The following RNF38 variants were observed in gnomAD, a reference collection of about 807,000 sequenced individuals.
RNF38 encodes ring finger protein 38, also known as E3 ubiquitin-protein ligase RNF38.
Under a neutral mutation model 67.2 loss-of-function variants are expected in RNF38, and 15 were observed. The observed-to-expected ratio is 0.22, with a 90% CI of 0.15 to 0.34. The LOEUF is 0.34. RNF38 is among the 10% of genes least tolerant of loss of function. RNF38 has a pLI of 1.00. For missense variants in RNF38, 524 were observed against 639.9 expected (o/e 0.82, Z 1.95); for synonymous variants, 220 against 218.8 (o/e 1.01, Z -0.05).
At chr9:36,472,906 T>C (rs1330025552) in intron 1 of RNF38, among the ~76,000 whole-genome samples, 1 of 75,600 alleles carries the variant, frequency 1.3e-5, no homozygotes, top group Admixed American at 1.2e-4. Context: ...AGGAGGTGGG[T>C]GGATCACCTG....
At chr9:36,419,338 T>C (rs897642641) in intron 2 of RNF38, among the ~76,000 whole-genome samples, 1 of 152,206 alleles carries the variant, frequency 6.6e-6, no homozygotes, top group African/African-American at 2.4e-5. Flanking sequence ...GGGTGCTTTT[T>C]TCCAAGACAA....
intron 1 of RNF38, among the ~76,000 whole-genome samples, chr9:36,427,693 AT>A (rs1197556320): frequency 8.8e-5 from 13 of 148,156 alleles, no homozygotes; most frequent in South Asian, 2.1e-4. Context: ...CTATCTATCT[AT>A]CTATCTATCT....
At chr9:36,344,764 C>T in intron 10 of RNF38, 68 bp downstream of exon 10, 1 of 1,506,924 alleles carries the variant, frequency 6.6e-7, no homozygotes, top group Non-Finnish European at 9.1e-7. Flanking sequence ...ACCTTAATGA[C>T]TCTTAAGCTT....
intron 3 of RNF38, among the ~76,000 whole-genome samples, chr9:36,374,306 C>A (rs928699907): frequency 6.6e-6 from 1 of 152,340 alleles, no homozygotes; most frequent in Non-Finnish European, 1.5e-5. Context: ...GCTGCCATAA[C>A]AAAACATTGC....
intron 1 of RNF38, among the ~76,000 whole-genome samples, chr9:36,472,500 T>C (rs973538111): frequency 1.6e-4 from 24 of 152,184 alleles, no homozygotes; most frequent in Admixed American, 1.0e-3. Flanking sequence ...AGACAAAAGA[T>C]TGGACATCCC....
chr9:36,440,100 G>T (rs1371075947), intron 1 of RNF38, among the ~76,000 whole-genome samples: 1 of 152,100 alleles, frequency 6.6e-6, no homozygotes, highest in African/African-American at 2.4e-5. Context: ...ACAAAAATCA[G>T]CCAGGTGTGG....
intron 4 of RNF38, among the ~76,000 whole-genome samples, chr9:36,362,334 G>A (rs1461298669): frequency 6.6e-6 from 1 of 151,892 alleles, no homozygotes; most frequent in African/African-American, 2.4e-5. Flanking sequence ...CTCCAGCCTA[G>A]GCAACAAGAG....
chr9:36,350,400 C>T (rs1833611247), intron 9 of RNF38, among the ~76,000 whole-genome samples: 1 of 152,206 alleles, frequency 6.6e-6, no homozygotes, highest in Admixed American at 6.5e-5. Flanking sequence ...TGGCTCCTTC[C>T]TCCTCCACAA....
Position 36,375,952 on chromosome 9 carries a change from G to A in RNF38, c.338C>T (p.Pro113Leu). The A allele has an allele frequency of 1.2e-6, 2 of 1,612,308 alleles. No homozygotes were observed. The highest frequency in any genetic ancestry group is 1.1e-5 in the South Asian group (1 of 90,612). Residue 113 changes from proline (P) to leucine (L), a missense_variant, in exon 3 of 12, where the codon CCT becomes CTT. This residue lies in a region of RNF38 where 461 missense variants were observed against 517.4 expected (regional missense o/e 0.89). Transcript: ENST00000259605. Reference protein sequence around the residue: ...HHFSGERCNTPARNRRSPPVR... With the variant: ...HHFSGERCNTLARNRRSPPVR... ...AACTAACCTTCTTCTGTTGCGTGCA[G>A]GTGTGTTGCATCGTTCCCCTGAGAA...
chr9:36,406,217 G>A (rs963484758), intron 2 of RNF38, among the ~76,000 whole-genome samples: 10 of 152,194 alleles, frequency 6.6e-5, no homozygotes, highest in Admixed American at 2.0e-4. Context: ...CCTATTTTAA[G>A]GCATTGAAAG....
chr9:36,388,161 C>T (rs749369528), intron 2 of RNF38, among the ~76,000 whole-genome samples: 14 of 151,882 alleles, frequency 9.2e-5, no homozygotes, highest in African/African-American at 1.2e-4. Context: ...GAGAGATGTA[C>T]GTGAGGCACA....
intron 1 of RNF38, among the ~76,000 whole-genome samples, chr9:36,398,339 A>G (rs938979200): frequency 1.3e-5 from 2 of 152,178 alleles, no homozygotes; most frequent in Non-Finnish European, 2.9e-5. Context: ...GAGGCCAAGA[A>G]AGGAGGATCA....
chr9:36,444,092 T>C (rs1245304787), intron 1 of RNF38, among the ~76,000 whole-genome samples: 1 of 152,180 alleles, frequency 6.6e-6, no homozygotes, highest in Non-Finnish European at 1.5e-5. Flanking sequence ...TGTTAGCAAC[T>C]ACAATAATGT....
At chr9:36,419,330 G>A (rs1230724542) in intron 2 of RNF38, among the ~76,000 whole-genome samples, 1 of 152,132 alleles carries the variant, frequency 6.6e-6, no homozygotes, top group Non-Finnish European at 1.5e-5. Context: ...AGCTGGATGG[G>A]TGCTTTTTTC....
At chr9:36,483,078 C>T (rs1840315994) in intron 1 of RNF38, among the ~76,000 whole-genome samples, 1 of 152,138 alleles carries the variant, frequency 6.6e-6, no homozygotes. Context: ...TATGGTCCTA[C>T]ACAGCAGCAC....
At chr9:36,458,542 C>A (rs919627614) in intron 1 of RNF38, among the ~76,000 whole-genome samples, 1 of 151,332 alleles carries the variant, frequency 6.6e-6, no homozygotes, top group African/African-American at 2.4e-5. Flanking sequence ...ACAAACCCAC[C>A]GGGAGGAACA....
intron 1 of RNF38, among the ~76,000 whole-genome samples, chr9:36,432,368 C>T (rs868336345): frequency 3.2e-4 from 48 of 151,980 alleles, no homozygotes; most frequent in African/African-American, 1.0e-3. Context: ...CACCAGACCT[C>T]GTGATCCACC....
intron 2 of RNF38, among the ~76,000 whole-genome samples, chr9:36,383,912 T>A (rs753477369): frequency 1.8e-4 from 28 of 152,126 alleles, no homozygotes; most frequent in Non-Finnish European, 3.7e-4. Context: ...CACACCATGA[T>A]GAATAGTAAA....
chr9:36,395,646 T>G (rs902799881), intron 1 of RNF38, among the ~76,000 whole-genome samples: 1 of 152,174 alleles, frequency 6.6e-6, no homozygotes, highest in African/African-American at 2.4e-5. Context: ...TGGAAGTAAT[T>G]AGGTAGATTA....
Sources: allele counts gnomAD v4.1 joint callset (sites outside exome capture counted in the v4.1 genomes callset), GRCh38; gene constraint gnomAD v4.1.1; regional missense constraint gnomAD v4.1.1; transcripts MANE v1.5; gene names NCBI Gene and HGNC (gene_info 2026-07-23, HGNC 2026-07-21).